The following TECTA variants were observed in gnomAD, a reference collection of about 807,000 sequenced individuals.
The protein encoded by TECTA is alpha-tectorin.
Under a neutral mutation model 216.8 loss-of-function variants are expected in TECTA, and 128 were observed. That is an observed-to-expected ratio of 0.59 (90% CI 0.51 to 0.68). The LOEUF is 0.68. TECTA is among the 30% of genes least tolerant of loss of function. TECTA has a pLI of 0.00. For missense variants in TECTA, 2,551 were observed against 2,786.2 expected (o/e 0.92, Z 1.90); for synonymous variants, 1,089 against 1,117.1 (o/e 0.97, Z 0.50).
intron 20 of TECTA, among the ~76,000 whole-genome samples, chr11:121,170,752 C>A (rs1457841658): frequency 6.6e-6 from 1 of 151,954 alleles, no homozygotes; most frequent in Non-Finnish European, 1.5e-5. Context: ...TTGTGTAAAT[C>A]CTTTGCCCAG....
At chr11:121,178,356 A>G (rs1181887221) in intron 20 of TECTA, among the ~76,000 whole-genome samples, 2 of 152,228 alleles carry the variant, frequency 1.3e-5, no homozygotes, top group African/African-American at 2.4e-5. Context: ...CTTATGTGAT[A>G]TATGACATTT....
intron 14 of TECTA, among the ~76,000 whole-genome samples, chr11:121,159,457 TAA>T (rs909072217): frequency 6.6e-6 from 1 of 152,182 alleles, no homozygotes; most frequent in African/African-American, 2.4e-5. Context: ...TTTTAAGGTA[TAA>T]AAGCTACTAA....
At chr11:121,122,528 A>G in intron 7 of TECTA, among the ~76,000 whole-genome samples, 1 of 152,056 alleles carries the variant, frequency 6.6e-6, no homozygotes, top group East Asian at 1.9e-4. Flanking sequence ...GTGCTGCTGT[A>G]ATAAATACCT....
intron 2 of TECTA, among the ~76,000 whole-genome samples, chr11:121,103,350 T>A (rs1189294837): frequency 6.6e-6 from 1 of 152,340 alleles, no homozygotes; most frequent in South Asian, 2.1e-4. Flanking sequence ...TTTAACTTTT[T>A]ATGGCTAAAA....
rs139911873 is a variant in TECTA at position 121,134,106 on chromosome 11, A to AT, written c.2942-3307dup. ...TGTGTCCCTTCAGCATGCCTCTGTC[A>AT]TTTTTTTTGAGCACTTTCTTCCTTT... On this transcript the variant is annotated intron_variant, in intron 10 of 23. Coordinates refer to ENST00000392793, the MANE Select transcript of TECTA (RefSeq NM_005422.4). Among the ~76,000 whole-genome samples, 1,104 of 151,718 alleles carry AT rather than the reference A, an allele frequency of 7.3e-3. 19 individuals carry two copies. Among genetic ancestry groups the AT allele is most frequent in the African/African-American group, 0.025 (1,035 of 41,346 alleles).
chr11:121,159,221 A>G (rs1187418925), intron 14 of TECTA, among the ~76,000 whole-genome samples: 1 of 152,232 alleles, frequency 6.6e-6, no homozygotes, highest in Non-Finnish European at 1.5e-5. Context: ...TCTGAAATTT[A>G]ATACCGGTTT....
intron 4 of TECTA, chr11:121,109,714 C>G: frequency 3.4e-6 from 2 of 596,004 alleles, no homozygotes; most frequent in South Asian, 4.0e-5. Context: ...TATGTCACCC[C>G]TATCACAAAT....
Position 121,129,919 on chromosome 11 carries a change from G to A in TECTA, c.2649G>A (p.Glu883=), listed in dbSNP as rs1233140990. Residue 883 remains glutamate (E), a synonymous_variant, in exon 10 of 24, where the codon GAG becomes GAA. Coordinates refer to ENST00000392793, the MANE Select transcript of TECTA (RefSeq NM_005422.4). ...VFLESWTTFE[E]ICNGECGDLL... ...TGGAAAGCTGGACAACTTTCGAGGA[G>A]ATCTGCAATGGAGAGTGTGGGGACC... 3.7e-6 allele frequency: 6 copies of A among 1,613,664 alleles called. No homozygotes were observed. The highest frequency in any genetic ancestry group is 1.7e-5 in the Admixed American group (1 of 60,018).
At position 121,157,837 on chromosome 11, in the gene TECTA, C is replaced by A. The variant is rs775856054; in HGVS notation, c.4306-4C>A. 2 of 1,613,788 alleles carry A rather than the reference C, an allele frequency of 1.2e-6. No individual in the cohort carries two copies. Among genetic ancestry groups the A allele is most frequent in the South Asian group, 2.2e-5 (2 of 91,050 alleles). On this transcript the variant is annotated splice_polypyrimidine_tract_variant and splice_region_variant and intron_variant, in intron 13 of 23. Coordinates refer to ENST00000392793, the MANE Select transcript of TECTA (RefSeq NM_005422.4). ...ATTTAATGCAAACGGCGCCTCTCTT[C>A]CAGCCCAAGCAGCTATTTTGGAACA...
Position 121,127,467 on chromosome 11 carries a change from T to A in TECTA, c.1775-285T>A, listed in dbSNP as rs112519426. Among the ~76,000 whole-genome samples, 912 of 152,234 alleles carry A rather than the reference T, an allele frequency of 6.0e-3. 5 individuals carry two copies. Among genetic ancestry groups the A allele is most frequent in the Non-Finnish European group, 0.01 (682 of 68,008 alleles). ...TGGATCATCAAATAATAAACCTATA[T>A]TGGGTAATCAGTAGTCTAGAAAGGA... On this transcript the variant is annotated intron_variant, in intron 8 of 23. Transcript: ENST00000392793. This position sits in a 1 kb window ranked among gnomAD's most constrained non-coding sequence, Gnocchi z 5.0.
intron 3 of TECTA, among the ~76,000 whole-genome samples, chr11:121,108,445 A>G (rs1376956640): frequency 1.4e-5 from 2 of 144,358 alleles, no homozygotes; most frequent in African/African-American, 2.5e-5. Flanking sequence ...CTCAGTAAGC[A>G]CACACACCCC....
chr11:121,184,443 G>T (rs770035530), intron 20 of TECTA, among the ~76,000 whole-genome samples: 89 of 152,188 alleles, frequency 5.8e-4, no homozygotes, highest in Non-Finnish European at 2.2e-4. Flanking sequence ...TCCTTCATTT[G>T]GTGGGTAGGG....
At chr11:121,119,685 A>G (rs977279319) in intron 7 of TECTA, among the ~76,000 whole-genome samples, 1 of 152,222 alleles carries the variant, frequency 6.6e-6, no homozygotes, top group Admixed American at 6.5e-5. Flanking sequence ...ACTGATGCCA[A>G]TGCAGGGATT....
At chr11:121,180,384 T>C (rs1194047484) in intron 20 of TECTA, among the ~76,000 whole-genome samples, 1 of 152,226 alleles carries the variant, frequency 6.6e-6, no homozygotes, top group Non-Finnish European at 1.5e-5. Flanking sequence ...ATAGCTTTGC[T>C]GGGTATAGTA....
chr11:121,157,727 A>T (rs762008915), intron 13 of TECTA, 114 bp from the exon 14 acceptor site: 39 of 1,483,226 alleles, frequency 2.6e-5, no homozygotes, highest in Non-Finnish European at 3.6e-5. Context: ...TACAAATTCC[A>T]GCCCCATTAA....
In TECTA at chr11:121,128,116, C is replaced by T. The variant is rs768295360; in HGVS notation, c.2139C>T (p.Cys713=). Residue 713 remains cysteine, a synonymous_variant, in exon 9 of 24, where the codon TGC becomes TGT. Coordinates refer to ENST00000392793, the MANE Select transcript of TECTA (RefSeq NM_005422.4). ...GCTTCCCCAAGCGGGAGACCGTGTG[C>T]CTGCTCAGCCAGAACCAGGTGCTGC... ...QGCFPKRETV[C]LLSQNQVLHT... 3 of 1,612,872 alleles carry T rather than the reference C, an allele frequency of 1.9e-6. No homozygotes were observed. The highest frequency in any genetic ancestry group is 1.7e-5 in the Admixed American group (1 of 60,012).
rs1946661634 is a variant in TECTA at position 121,130,318 on chromosome 11, T to C, written c.2941+107T>C. ...CAGGTGGGACTGAGCTCAAGGGTGA[T>C]GTTAATTACTGTGTATACCTACCCT... On this transcript the variant is annotated intron_variant, in intron 10 of 23. Coordinates refer to ENST00000392793, the MANE Select transcript of TECTA (RefSeq NM_005422.4). The C allele has an allele frequency of 2.1e-5, 26 of 1,253,110 alleles. No individual in the cohort carries two copies. The Middle Eastern group carries it at 1.6e-3, about 78-fold the overall frequency. The allele number at this position is 1,253,110 out of a possible 1,614,324, so 77.6% of individuals were successfully genotyped here.
Position 121,158,269 on chromosome 11 carries a change from G to A in TECTA, c.4689+45G>A, listed in dbSNP as rs770723686. 14 of 1,603,962 alleles carry A rather than the reference G, an allele frequency of 8.7e-6. No individual in the cohort carries two copies. In the African/African-American group the frequency reaches 1.1e-4, roughly 12 times the overall value. ...TTCTTAAGAAGGGGCCCGGAAACAA[G>A]GGGTTGGCTAGGGGACTGTGTAGGG... On this transcript the variant is annotated intron_variant, in intron 14 of 23. Transcript: ENST00000392793.
intron 20 of TECTA, among the ~76,000 whole-genome samples, chr11:121,173,984 C>G (rs1263850431): frequency 6.6e-6 from 1 of 151,886 alleles, no homozygotes; most frequent in Non-Finnish European, 1.5e-5. Context: ...TGATTTGGCT[C>G]TCTGTTTGTC....
Sources: gnomAD v4.1 joint callset for allele counts (sites outside exome capture counted in the v4.1 genomes callset) on GRCh38, gnomAD v4.1.1 for gene constraint, Gnocchi (gnomAD v3.1) non-coding constraint, MANE v1.5 for transcripts, NCBI Gene and HGNC (gene_info 2026-07-23, HGNC 2026-07-21) for gene names.